Variants in DGKZ observed in about 807,000 individuals in gnomAD.
The protein encoded by DGKZ is diacylglycerol kinase zeta.
Under a neutral mutation model 142.5 loss-of-function variants are expected in DGKZ, and 45 were observed. That is an observed-to-expected ratio of 0.32 (90% CI 0.25 to 0.40). The LOEUF is 0.40. Among genes scored for constraint, DGKZ ranks in the 10% least tolerant of loss-of-function variants. DGKZ has a pLI of 1.00. For synonymous variants in DGKZ, 442 were observed against 527.0 expected (o/e 0.84, Z 2.21); for missense variants, 755 against 1,306.5 (o/e 0.58, Z 6.51).
chr11:46,377,726 C>T, intron 25 of DGKZ: 1 of 227,200 alleles, frequency 4.4e-6, no homozygotes, highest in Admixed American at 5.2e-5. Flanking sequence ...AGTTCACCTC[C>T]ATGGTCCTGC....
chr11:46,349,708 C>T (rs1236268790), intron 1 of DGKZ, among the ~76,000 whole-genome samples: 1 of 152,136 alleles, frequency 6.6e-6, no homozygotes, highest in African/African-American at 2.4e-5. Flanking sequence ...GCCTGTTTCT[C>T]CATTTTTATA....
rs775265632 is a variant in DGKZ, at chr11:46,379,458, T to G, written c.2578T>G (p.Cys860Gly). 2 of 1,605,988 alleles carry G rather than the reference T, an allele frequency of 1.2e-6. No individual in the cohort carries two copies. The highest frequency in any genetic ancestry group is 2.7e-5 in the African/African-American group (2 of 74,794). Residue 860 changes from cysteine to glycine, a missense_variant, in exon 30 of 31, where the codon TGC (cysteine) becomes GGC (glycine). Cys to Gly is a radical substitution (Grantham distance 159). Around this residue, in one of 8 missense-constraint regions of DGKZ, gnomAD observed 100 missense variants for 87.7 expected, o/e 1.14. Coordinates refer to ENST00000527911, the Ensembl canonical transcript of DGKZ. ...CGGGATGGGGTACACAGCCAGCCCC[T>G]GCTCCCCCAGCGGGGAGACCTGTTT... is the stretch of plus-strand genomic sequence containing the variant.
At chr11:46,368,236 C>G (rs775440144) in intron 4 of DGKZ, 157 bp downstream of exon 4, 4 of 756,648 alleles carry the variant, frequency 5.3e-6, no homozygotes, top group South Asian at 1.5e-5. Flanking sequence ...TGCCTGCGTT[C>G]GAATCCTGGC....
Position 46,374,747 on chromosome 11 carries a change from C to A in DGKZ, c.1525-19C>A. 6.2e-7 allele frequency: 1 copy of A among 1,612,512 alleles called. No homozygotes were observed. The highest frequency in any genetic ancestry group is 8.5e-7 in the Non-Finnish European group (1 of 1,179,220). On this transcript the variant is annotated intron_variant, in intron 17 of 30. Transcript: ENST00000527911. ...CCACCTGGCACATGCACCTCAACAC[C>A]CTCCCCGCCCGCCTCCAGTGTGATG... is the stretch of plus-strand genomic sequence containing the variant.
At chr11:46,356,910 T>C (rs1178724377) in intron 1 of DGKZ, among the ~76,000 whole-genome samples, 2 of 151,930 alleles carry the variant, frequency 1.3e-5, no homozygotes, top group Non-Finnish European at 2.9e-5. Context: ...GTGGAGTGAG[T>C]TATGTAAGTG....
At chr11:46,374,691 G>A (rs1296425682) in intron 17 of DGKZ, 25 bp downstream of exon 17, 2 of 1,606,952 alleles carry the variant, frequency 1.2e-6, no homozygotes. Context: ...GCTGCCGTGG[G>A]TGGGTGGGCC....
At position 46,337,287 on chromosome 11, in the gene DGKZ, CTTTTTTTTTTTT is replaced by C. The variant is rs948859545; in HGVS notation, c.212+3815_212+3826del. On this transcript the variant is annotated intron_variant, in intron 1 of 30. Coordinates refer to the DGKZ transcript ENST00000343674. ...CTGGGGGTCTCTTTTTAAATGGGTT[CTTTTTTTTTTTT>C]TTTTTTTTTTTTTTGAGACAGAGTC... Among the ~76,000 whole-genome samples, 376 of 86,286 alleles carry C rather than the reference CTTTTTTTTTTTT, an allele frequency of 4.4e-3. 4 individuals carry two copies. Among genetic ancestry groups the C allele is most frequent in the African/African-American group, 0.016 (362 of 22,500 alleles). The allele number at this position is 86,286 out of a possible 152,430, so 56.6% of individuals were successfully genotyped here. A position where few individuals can be genotyped will look rare whatever the true frequency, so the allele number is the denominator to read the frequency against.
At chr11:46,369,870 G>A (rs996885788) in intron 5 of DGKZ, 71 bp from the exon 6 acceptor site, 38 of 1,536,660 alleles carry the variant, frequency 2.5e-5, no homozygotes, top group Non-Finnish European at 2.3e-5. Flanking sequence ...GTGTTGAGCC[G>A]TGTGGGCAGT....
Position 46,372,689 on chromosome 11 carries a change from G to T in DGKZ, c.1071+12G>T, listed in dbSNP as rs763387695. 3 of 1,612,734 alleles carry T rather than the reference G, an allele frequency of 1.9e-6. No homozygotes were observed. The highest frequency in any genetic ancestry group is 1.1e-5 in the South Asian group (1 of 91,020). On this transcript the variant is annotated intron_variant, in intron 12 of 30. Coordinates refer to ENST00000527911, the Ensembl canonical transcript of DGKZ. The surrounding 1 kb of genome is among the most constrained non-coding windows in gnomAD (Gnocchi z 5.9). ...GGGGCGACGGCACGGTGAGCTCCCC[G>T]CATGGGCCAGCCGAGCACCAGGGCT...
upstream of DGKZ, among the ~76,000 whole-genome samples, chr11:46,346,403 G>A (rs56323921): frequency 6.3e-3 from 955 of 152,284 alleles, 8 homozygotes; most frequent in Non-Finnish European, 0.01. Flanking sequence ...TCAGCCCTGC[G>A]GGGGCCATCA....
At position 46,366,712 on chromosome 11, in the gene DGKZ, G is replaced by A. The variant is rs764186271; in HGVS notation, c.162-579G>A. ...CCCCACCTCGGGGCGCCCAGCCGCT[G>A]TTGCCCCTACCCCGCTACCTGCGCC... On this transcript the variant is annotated intron_variant, in intron 1 of 30. Transcript: ENST00000527911. 8.3e-6 allele frequency: 13 copies of A among 1,559,216 alleles called. No individual in the cohort carries two copies. The Middle Eastern group carries it at 8.3e-4, about 100-fold the overall frequency.
intron 19 of DGKZ, 58 bp downstream of exon 19, chr11:46,375,103 AC>A (rs970838752): frequency 3.5e-6 from 5 of 1,429,982 alleles, no homozygotes; most frequent in African/African-American, 2.9e-5. Context: ...GGAAGGGGTC[AC>A]CCATACTCAC....
intron 1 of DGKZ, among the ~76,000 whole-genome samples, chr11:46,359,474 C>A (rs1942395785): frequency 6.6e-6 from 1 of 152,102 alleles, no homozygotes; most frequent in Non-Finnish European, 1.5e-5. Flanking sequence ...AATGTGTCAC[C>A]ATTTGGAAGA....
exon 15 of DGKZ, chr11:46,374,160 C>T (rs1944288512): frequency 1.2e-6 from 2 of 1,614,064 alleles, no homozygotes; most frequent in Admixed American, 3.3e-5. Context: ...TTTCCAGTTG[C>T]CCCTGGATGT....
chr11:46,374,067 T>C (rs1944275945), intron 14 of DGKZ, 90 bp from the exon 15 acceptor site: 2 of 1,404,450 alleles, frequency 1.4e-6, no homozygotes, highest in Admixed American at 3.4e-5. Flanking sequence ...TGTGAACAGA[T>C]GGGCTGAGCT....
intron 1 of DGKZ, among the ~76,000 whole-genome samples, chr11:46,356,338 C>T (rs954588843): frequency 2.0e-5 from 3 of 152,156 alleles, no homozygotes; most frequent in Non-Finnish European, 4.4e-5. Flanking sequence ...ACTCCTGGGG[C>T]TCTGTGCCCA....
At chr11:46,333,376 A>G in exon 1 of DGKZ, 2 of 1,389,242 alleles carry the variant, frequency 1.4e-6, no homozygotes, top group Non-Finnish European at 9.3e-7. Flanking sequence ...CGGCGCGGGG[A>G]GGAGGCCCAG....
chr11:46,376,133 G>C, exon 22 of DGKZ: 1 of 1,611,264 alleles, frequency 6.2e-7, no homozygotes. Flanking sequence ...CCCACATTGA[G>C]AGACTCCAGC....
chr11:46,380,162 G>C (rs1329956941), exon 31 of DGKZ: 5 of 544,648 alleles, frequency 9.2e-6, no homozygotes, highest in Non-Finnish European at 1.6e-5. Flanking sequence ...CGCCGGACCC[G>C]GAGGCTCACA....
Sources: gnomAD v4.1 joint callset for allele counts (sites outside exome capture counted in the v4.1 genomes callset) on GRCh38, gnomAD v4.1.1 for gene constraint, gnomAD v4.1.1 regional missense constraint, Gnocchi (gnomAD v3.1) non-coding constraint, MANE v1.5 for transcripts, NCBI Gene and HGNC (gene_info 2026-07-23, HGNC 2026-07-21) for gene names.